The following CNTN4 variants were observed in gnomAD, a reference collection of about 807,000 sequenced individuals.
CNTN4 encodes contactin 4.
Under a neutral mutation model 122.5 loss-of-function variants are expected in CNTN4, and 77 were observed. The observed-to-expected ratio is 0.63, with a 90% CI of 0.52 to 0.76. The LOEUF (loss-of-function observed/expected upper bound fraction) is 0.76. Ranked by LOEUF, CNTN4 falls within the 30% of genes least tolerant of loss-of-function variation. The probability of loss-of-function intolerance (pLI) is 0.00; values close to 1 mark genes in which losing one functional copy is unlikely to be tolerated. For synonymous variants in CNTN4, 512 were observed against 447.0 expected, an observed-to-expected ratio of 1.15 and a Z score of -1.83; for missense variants, 1,256 against 1,259.1, an observed-to-expected ratio of 1.00 and a Z score of 0.04.
chr3:2,194,174 G>A (rs1441086909), intron 2 of CNTN4, among the ~76,000 whole-genome samples: 1 of 152,112 alleles, frequency 6.6e-6, no homozygotes, highest in Non-Finnish European at 1.5e-5. Flanking sequence ...ATTATAGAAA[G>A]TGAATGGGGC....
At chr3:2,264,236 G>C (rs2040952533) in intron 2 of CNTN4, among the ~76,000 whole-genome samples, 1 of 152,108 alleles carries the variant, frequency 6.6e-6, no homozygotes, top group African/African-American at 2.4e-5. Flanking sequence ...TTCACAAACA[G>C]TGTATAAGCT....
Position 2,231,938 on chromosome 3 carries a change from A to G in CNTN4, c.-144-107240A>G, listed in dbSNP as rs184698610. Among the ~76,000 whole-genome samples the G allele has an allele frequency of 5.3e-5, 8 of 152,272 alleles. No individual in the cohort carries two copies. The East Asian group carries it at 9.6e-4, about 18-fold the overall frequency. ...TACAACACATTCCTATGAAATTAACATATAGGATTATACCTGAATTATATA... is the reference window on the plus strand; with the variant it reads ...TACAACACATTCCTATGAAATTAACGTATAGGATTATACCTGAATTATATA... On this transcript the variant is annotated intron_variant, in intron 2 of 24. Transcript: ENST00000418658.
intron 3 of CNTN4, among the ~76,000 whole-genome samples, chr3:2,569,592 G>T (rs1376986095): frequency 2.0e-5 from 3 of 152,026 alleles, no homozygotes; most frequent in Admixed American, 6.5e-5. Context: ...GTAACATCTG[G>T]CAATGTAGGG....
chr3:2,539,493 A>G (rs553089966), intron 3 of CNTN4, among the ~76,000 whole-genome samples: 38 of 152,196 alleles, frequency 2.5e-4, no homozygotes, highest in African/African-American at 8.7e-4. Context: ...TCCACTTATG[A>G]TAATAATCTT....
At chr3:2,922,740 G>C (rs1240737835) in intron 12 of CNTN4, among the ~76,000 whole-genome samples, 1 of 149,042 alleles carries the variant, frequency 6.7e-6, no homozygotes, top group Non-Finnish European at 1.5e-5. Context: ...AGCCTCCCCA[G>C]TAGTTGGATT....
chr3:3,019,064 G>A (rs1381833651), intron 14 of CNTN4, among the ~76,000 whole-genome samples: 1 of 152,126 alleles, frequency 6.6e-6, no homozygotes, highest in Non-Finnish European at 1.5e-5. Context: ...ATGTAAGTAA[G>A]TATATAAATA....
chr3:2,517,930 C>G (rs2077085526), intron 3 of CNTN4, among the ~76,000 whole-genome samples: 1 of 152,108 alleles, frequency 6.6e-6, no homozygotes, highest in Non-Finnish European at 1.5e-5. Context: ...GACTCCTACT[C>G]CCATCCAGCT....
At chr3:2,795,543 T>C (rs1238983151) in intron 6 of CNTN4, among the ~76,000 whole-genome samples, 2 of 148,502 alleles carry the variant, frequency 1.3e-5, no homozygotes, top group South Asian at 2.1e-4. Context: ...TTTTCTGAGA[T>C]GGAGTCTCGC....
At chr3:2,432,752 C>T (rs1039838455) in intron 3 of CNTN4, among the ~76,000 whole-genome samples, 3 of 151,048 alleles carry the variant, frequency 2.0e-5, no homozygotes, top group South Asian at 2.1e-4. Flanking sequence ...CATATTTTAG[C>T]TCTTGTGAAT....
At chr3:2,316,213 A>G (rs2043092617) in intron 2 of CNTN4, among the ~76,000 whole-genome samples, 1 of 152,106 alleles carries the variant, frequency 6.6e-6, no homozygotes. Flanking sequence ...GTGGATTGTT[A>G]ATAGATATTA....
chr3:2,518,213 A>ATG (rs1491197456), intron 3 of CNTN4, among the ~76,000 whole-genome samples: 3 of 142,846 alleles, frequency 2.1e-5, no homozygotes, highest in Non-Finnish European at 4.7e-5. Context: ...TCTTAGGTTA[A>ATG]TATGTGTGTG....
chr3:2,166,627 G>A (rs1288468544), intron 2 of CNTN4, among the ~76,000 whole-genome samples: 2 of 152,100 alleles, frequency 1.3e-5, no homozygotes, highest in Non-Finnish European at 2.9e-5. Context: ...AATCATTTTT[G>A]TCTGAAAGTA....
chr3:2,961,231 C>CAAAAAAAAAAAAAAAAAA lies in CNTN4; in HGVS notation c.1359-27112_1359-27095dup, dbSNP rs59790353. Among the ~76,000 whole-genome samples, 234 of 37,150 alleles carry CAAAAAAAAAAAAAAAAAA rather than the reference C, an allele frequency of 6.3e-3. 8 individuals carry two copies. Among genetic ancestry groups the CAAAAAAAAAAAAAAAAAA allele is most frequent in the Middle Eastern group, 0.025 (1 of 40 alleles). 24.4% of individuals were successfully genotyped at this position (37,150 alleles called of 152,430 possible). On this transcript the variant is annotated intron_variant, in intron 13 of 24. Coordinates refer to ENST00000418658, the MANE Select transcript of CNTN4 (RefSeq NM_175607.3). ...GGCGACAGAACGAGACTCCATCTCA[C>CAAAAAAAAAAAAAAAAAA]AAAAAAAAAAAAAAAAAAAGGCCTA...
chr3:2,947,672 G>T (rs559348776), intron 13 of CNTN4, among the ~76,000 whole-genome samples: 6 of 152,226 alleles, frequency 3.9e-5, no homozygotes, highest in South Asian at 4.2e-4. Flanking sequence ...GACGTGAATG[G>T]CAGGTTGTCA....
chr3:2,106,607 A>T (rs1165070449), intron 2 of CNTN4, among the ~76,000 whole-genome samples: 1 of 152,194 alleles, frequency 6.6e-6, no homozygotes, highest in Non-Finnish European at 1.5e-5. Flanking sequence ...TGTACACAGC[A>T]GGGAGCCCAG....
At chr3:2,524,007 T>C (rs2077312307) in intron 3 of CNTN4, among the ~76,000 whole-genome samples, 1 of 152,160 alleles carries the variant, frequency 6.6e-6, no homozygotes, top group Non-Finnish European at 1.5e-5. Context: ...GGTATAATTC[T>C]TATGTCATAC....
chr3:2,110,838 G>C (rs1235260052), intron 2 of CNTN4, among the ~76,000 whole-genome samples: 1 of 152,096 alleles, frequency 6.6e-6, no homozygotes, highest in African/African-American at 2.4e-5. Context: ...CTGAGAGTAA[G>C]ATATCACTAT....
chr3:2,597,754 T>G (rs549136532), intron 4 of CNTN4, among the ~76,000 whole-genome samples: 1 of 152,256 alleles, frequency 6.6e-6, no homozygotes, highest in African/African-American at 2.4e-5. Flanking sequence ...CTGGACTTTC[T>G]CAAGCCTGAG....
intron 3 of CNTN4, among the ~76,000 whole-genome samples, chr3:2,462,222 C>A (rs1039728328): frequency 7.9e-5 from 12 of 152,212 alleles, no homozygotes; most frequent in African/African-American, 2.9e-4. Context: ...AGAGTAGCCT[C>A]CAGTGTCCAT....
Sources: allele counts gnomAD v4.1 joint callset (sites outside exome capture counted in the v4.1 genomes callset), GRCh38; gene constraint gnomAD v4.1.1; transcripts MANE v1.5; gene names NCBI Gene and HGNC (gene_info 2026-07-23, HGNC 2026-07-21).